Variants in SGCZ observed in about 807,000 individuals in gnomAD.
SGCZ encodes zeta-sarcoglycan.
Under a neutral mutation model 41.3 loss-of-function variants are expected in SGCZ, and 40 were observed. That is an observed-to-expected ratio of 0.97 (90% CI 0.75 to 1.26). The LOEUF (loss-of-function observed/expected upper bound fraction) is 1.26. Among genes scored for constraint, SGCZ ranks in the 50% most tolerant of loss-of-function variants. The pLI is 0.00. For synonymous variants in SGCZ, 206 were observed against 137.5 expected (o/e 1.50, Z -3.49); for missense variants, 552 against 369.8 (o/e 1.49, Z -4.04).
At chr8:14,405,408 TATA>T (rs1257358597) in intron 2 of SGCZ, among the ~76,000 whole-genome samples, 1 of 152,214 alleles carries the variant, frequency 6.6e-6, no homozygotes, top group African/African-American at 2.4e-5. Flanking sequence ...ACTCAGAAAA[TATA>T]ATGACATCAG....
At chr8:14,257,882 A>AC (rs1799519305) in intron 3 of SGCZ, among the ~76,000 whole-genome samples, 1 of 152,216 alleles carries the variant, frequency 6.6e-6, no homozygotes, top group Admixed American at 6.5e-5. Flanking sequence ...TACTGATTAT[A>AC]TTCTTATATT....
intron 1 of SGCZ, among the ~76,000 whole-genome samples, chr8:15,229,171 A>C (rs1358181680): frequency 1.3e-5 from 2 of 152,176 alleles, no homozygotes; most frequent in African/African-American, 4.8e-5. Context: ...CAGCCTGGAC[A>C]ACAGAGCAAG....
intron 1 of SGCZ, among the ~76,000 whole-genome samples, chr8:14,878,063 G>C (rs1804431747): frequency 6.6e-6 from 1 of 152,072 alleles, no homozygotes; most frequent in South Asian, 2.1e-4. Flanking sequence ...CCTGTCCTAA[G>C]TGGAAGATCA....
At chr8:14,438,125 G>T (rs1160559881) in intron 2 of SGCZ, among the ~76,000 whole-genome samples, 1 of 151,880 alleles carries the variant, frequency 6.6e-6, no homozygotes, top group Non-Finnish European at 1.5e-5. Context: ...TATTACCAAA[G>T]ATTCTAAAGG....
At chr8:14,330,065 A>T (rs930020772) in intron 2 of SGCZ, among the ~76,000 whole-genome samples, 17 of 152,138 alleles carry the variant, frequency 1.1e-4, no homozygotes, top group Non-Finnish European at 2.1e-4. Flanking sequence ...GGCCATGATT[A>T]ATATCCTAGT....
chr8:14,494,575 GT>G (rs1175903040), intron 2 of SGCZ, among the ~76,000 whole-genome samples: 6 of 152,016 alleles, frequency 3.9e-5, no homozygotes, highest in Admixed American at 2.6e-4. Flanking sequence ...GTTTTTCAAT[GT>G]TTAATCATTC....
At chr8:14,540,485 G>A (rs998333521) in intron 2 of SGCZ, among the ~76,000 whole-genome samples, 31 of 150,530 alleles carry the variant, frequency 2.1e-4, no homozygotes, top group African/African-American at 5.9e-4. Context: ...TATATCTTTC[G>A]TCTTTACAAT....
chr8:15,149,821 T>C (rs892161326), intron 1 of SGCZ, among the ~76,000 whole-genome samples: 1 of 149,302 alleles, frequency 6.7e-6, no homozygotes, highest in African/African-American at 2.5e-5. Flanking sequence ...TACACACTAA[T>C]AACCACGGAA....
At chr8:14,115,181 T>C (rs1802486656) in intron 5 of SGCZ, among the ~76,000 whole-genome samples, 2 of 152,010 alleles carry the variant, frequency 1.3e-5, no homozygotes, top group Non-Finnish European at 2.9e-5. Flanking sequence ...TTTTGCCCTT[T>C]ACTTAAATAA....
chr8:15,219,539 C>T (rs1050870836), intron 1 of SGCZ, among the ~76,000 whole-genome samples: 2 of 152,108 alleles, frequency 1.3e-5, no homozygotes, highest in African/African-American at 4.8e-5. Context: ...GGAATTTCAT[C>T]CCAGACTATG....
intron 2 of SGCZ, among the ~76,000 whole-genome samples, chr8:14,530,013 T>G (rs1563389354): frequency 6.6e-6 from 1 of 152,068 alleles, no homozygotes; most frequent in African/African-American, 2.4e-5. Context: ...CTTTAGGCTT[T>G]TAACACATAA....
intron 1 of SGCZ, among the ~76,000 whole-genome samples, chr8:15,088,989 A>T (rs1806052598): frequency 6.6e-6 from 1 of 152,174 alleles, no homozygotes; most frequent in African/African-American, 2.4e-5. Flanking sequence ...ATAACAGTAA[A>T]CACCATCCTT....
At chr8:14,232,239 C>G (rs1806598504) in intron 4 of SGCZ, among the ~76,000 whole-genome samples, 1 of 151,782 alleles carries the variant, frequency 6.6e-6, no homozygotes, top group Non-Finnish European at 1.5e-5. Context: ...TATTGTGGCC[C>G]ATCTGATTAT....
chr8:14,404,080 T>C (rs796452318), intron 2 of SGCZ, among the ~76,000 whole-genome samples: 4 of 152,224 alleles, frequency 2.6e-5, no homozygotes, highest in African/African-American at 2.4e-5. Context: ...AAAGAGAGAA[T>C]AGACAATATG....
chr8:14,551,314 C>A (rs867295500), intron 2 of SGCZ, among the ~76,000 whole-genome samples: 4 of 142,026 alleles, frequency 2.8e-5, no homozygotes, highest in African/African-American at 1.0e-4. Context: ...ATTTGAGAGA[C>A]CTGCTAGACT....
At chr8:14,371,489 C>G (rs921213301) in intron 2 of SGCZ, among the ~76,000 whole-genome samples, 1 of 151,574 alleles carries the variant, frequency 6.6e-6, no homozygotes. Flanking sequence ...AATACCCACA[C>G]TAATTTTATC....
chr8:14,144,794 C>G (rs1166909998), intron 5 of SGCZ, among the ~76,000 whole-genome samples: 1 of 152,104 alleles, frequency 6.6e-6, no homozygotes, highest in Non-Finnish European at 1.5e-5. Flanking sequence ...TCACCATAAG[C>G]TGATATAAGA....
chr8:14,271,861 A>T (rs556759011), intron 3 of SGCZ, among the ~76,000 whole-genome samples: 1 of 152,178 alleles, frequency 6.6e-6, no homozygotes, highest in Admixed American at 6.5e-5. Flanking sequence ...TCAGCTTTAC[A>T]TCTCTCTTTA....
intron 4 of SGCZ, among the ~76,000 whole-genome samples, chr8:14,198,386 G>T (rs1274893135): frequency 6.6e-6 from 1 of 152,152 alleles, no homozygotes; most frequent in African/African-American, 2.4e-5. Context: ...CCAAAGAGAG[G>T]TGTTAAAGTG....
Sources: allele counts gnomAD v4.1 joint callset (sites outside exome capture counted in the v4.1 genomes callset), GRCh38; gene constraint gnomAD v4.1.1; transcripts MANE v1.5; gene names NCBI Gene and HGNC (gene_info 2026-07-23, HGNC 2026-07-21).